JMJD1C: variants seen among roughly 807,000 people sequenced by gnomAD.
JMJD1C encodes jumonji domain containing 1C.
JMJD1C carries 31 observed loss-of-function variants against 245.3 expected under a neutral mutation model. The observed-to-expected ratio is 0.13, with a 90% CI of 0.09 to 0.17. The LOEUF (loss-of-function observed/expected upper bound fraction) is 0.17. JMJD1C is among the 10% of genes least tolerant of loss of function. JMJD1C has a pLI of 1.00. For missense variants in JMJD1C, 2,691 were observed against 3,000.2 expected, an observed-to-expected ratio of 0.90 and a Z score of 2.41; for synonymous variants, 1,057 against 1,017.4, an observed-to-expected ratio of 1.04 and a Z score of -0.74.
intron 3 of JMJD1C, among the ~76,000 whole-genome samples, chr10:63,244,817 A>AGGG (rs370952932): frequency 5.7e-5 from 3 of 52,868 alleles, no homozygotes; most frequent in East Asian, 4.4e-4. Flanking sequence ...TTAAAAAAAA[A>AGGG]GGGGGGGGGA....
chr10:63,354,446 C>T (rs1269023176), intron 2 of JMJD1C, among the ~76,000 whole-genome samples: 1 of 151,884 alleles, frequency 6.6e-6, no homozygotes, highest in East Asian at 1.9e-4. Flanking sequence ...TTAATCATTT[C>T]TTCATTTTAA....
chr10:63,352,300 T>C (rs1272574400), intron 2 of JMJD1C, among the ~76,000 whole-genome samples: 1 of 152,058 alleles, frequency 6.6e-6, no homozygotes, highest in African/African-American at 2.4e-5. Context: ...CAAAAAGCAA[T>C]GAATTGATAA....
chr10:63,275,476 G>A (rs868308233), intron 2 of JMJD1C, among the ~76,000 whole-genome samples: 3 of 152,088 alleles, frequency 2.0e-5, no homozygotes, highest in African/African-American at 7.2e-5. Context: ...GCAGGATTAG[G>A]AGGAAAAATC....
chr10:63,446,250 G>C (rs755590790), intron 1 of JMJD1C, among the ~76,000 whole-genome samples: 21 of 152,120 alleles, frequency 1.4e-4, no homozygotes, highest in Non-Finnish European at 2.4e-4. Context: ...GTGAGAGAAA[G>C]GAGTCCAGGA....
At chr10:63,298,756 G>A (rs967355048) in intron 2 of JMJD1C, among the ~76,000 whole-genome samples, 3 of 151,816 alleles carry the variant, frequency 2.0e-5, no homozygotes, top group South Asian at 4.2e-4. Context: ...TTTTTAGACG[G>A]AGTTTTGCTC....
At chr10:63,471,961 G>C (rs1219982924) in intron 1 of JMJD1C, among the ~76,000 whole-genome samples, 1 of 152,058 alleles carries the variant, frequency 6.6e-6, no homozygotes, top group Non-Finnish European at 1.5e-5. Flanking sequence ...TCACTTGAAC[G>C]CGGGAAGCAA....
intron 3 of JMJD1C, among the ~76,000 whole-genome samples, chr10:63,232,176 C>T (rs919414080): frequency 2.6e-5 from 4 of 151,960 alleles, no homozygotes; most frequent in Non-Finnish European, 4.4e-5. Flanking sequence ...ACTGCTTCTT[C>T]TAAAGTTTTT....
chr10:63,381,993 C>G (rs1030077133), intron 1 of JMJD1C, among the ~76,000 whole-genome samples: 1 of 152,138 alleles, frequency 6.6e-6, no homozygotes, highest in East Asian at 1.9e-4. Flanking sequence ...GGGTGGATCA[C>G]CTGAGGTCAG....
intron 2 of JMJD1C, among the ~76,000 whole-genome samples, chr10:63,327,523 A>G (rs1941657770): frequency 6.6e-6 from 1 of 152,228 alleles, no homozygotes; most frequent in Admixed American, 6.5e-5. Context: ...CTAAGGAAGA[A>G]GCTCACAAAA....
rs909561888 is a variant in JMJD1C, at chr10:63,208,218, T to C, written c.3451A>G (p.Lys1151Glu). The C allele has an allele frequency of 3.1e-6, 5 of 1,613,920 alleles. No homozygotes were observed. The African/African-American group carries it at 4.0e-5, about 13-fold the overall frequency. ...AAACCTTCACTTTCTGGTTGGTGTTTAATCAAAGGTGGAGGCTTTGAAAGA... is the reference window on the plus strand; with the variant it reads ...AAACCTTCACTTTCTGGTTGGTGTTCAATCAAAGGTGGAGGCTTTGAAAGA... ...TSLSKPPPLIKHQPESEGLVG... is the reference protein window; with the variant it reads ...TSLSKPPPLIEHQPESEGLVG... Residue 1151 changes from lysine (K) to glutamate (E), a missense_variant, in exon 10 of 26, where the codon AAA (lysine) becomes GAA (glutamate). Physicochemically the swap from Lys to Glu is moderately conservative, Grantham distance 56. Transcript: ENST00000399262.
intron 2 of JMJD1C, among the ~76,000 whole-genome samples, chr10:63,319,551 A>C (rs1159420456): frequency 6.6e-6 from 1 of 151,666 alleles, no homozygotes; most frequent in Admixed American, 6.6e-5. Flanking sequence ...TTATCCCTTT[A>C]AGTATTTATT....
chr10:63,401,488 C>T (rs1419057401), intron 1 of JMJD1C, among the ~76,000 whole-genome samples: 1 of 152,096 alleles, frequency 6.6e-6, no homozygotes, highest in East Asian at 1.9e-4. Context: ...TTCATGCAAT[C>T]CCCCCACCTA....
chr10:63,469,390 A>C (rs1273461630), upstream of JMJD1C, among the ~76,000 whole-genome samples: 1 of 152,246 alleles, frequency 6.6e-6, no homozygotes, highest in Non-Finnish European at 1.5e-5. Flanking sequence ...ACTGGTTTTC[A>C]AAACCAGATC....
chr10:63,307,805 C>G (rs1046540209), intron 2 of JMJD1C, among the ~76,000 whole-genome samples: 1 of 152,052 alleles, frequency 6.6e-6, no homozygotes, highest in Admixed American at 6.6e-5. Context: ...GGTCTCAATA[C>G]AGAGAAAACC....
At chr10:63,385,438 T>TGC in intron 1 of JMJD1C, among the ~76,000 whole-genome samples, 2 of 130,804 alleles carry the variant, frequency 1.5e-5, no homozygotes, top group African/African-American at 5.9e-5. Context: ...TTTTTTTTTT[T>TGC]TTTTTGCTTT....
intron 3 of JMJD1C, among the ~76,000 whole-genome samples, chr10:63,237,045 GT>G (rs1378133934): frequency 2.6e-5 from 4 of 152,008 alleles, no homozygotes; most frequent in Non-Finnish European, 5.9e-5. Context: ...GTTTTGTTTT[GT>G]TTTGTTTTTT....
chr10:63,249,924 C>G (rs2133612387), intron 3 of JMJD1C, among the ~76,000 whole-genome samples: 1 of 151,752 alleles, frequency 6.6e-6, no homozygotes, highest in African/African-American at 2.4e-5. Context: ...ATCCCAATTA[C>G]AATGATTTGA....
rs764629179 is a variant in JMJD1C at position 63,192,925 on chromosome 10, C to T, written c.6076+13G>A. The T allele has an allele frequency of 6.3e-6, 10 of 1,592,038 alleles. No individual in the cohort carries two copies. Among genetic ancestry groups the T allele is most frequent in the Admixed American group, 3.3e-5 (2 of 59,962 alleles). Reference sequence around the variant, plus strand: ...CTCCTCTCACACATGCCTAGATAATCAATTATGTTTACCTTTTTTTTCCTC... The same window carrying T: ...CTCCTCTCACACATGCCTAGATAATTAATTATGTTTACCTTTTTTTTCCTC... On this transcript the variant is annotated intron_variant, in intron 16 of 25. Coordinates refer to ENST00000399262, the MANE Select transcript of JMJD1C (RefSeq NM_032776.3).
Position 63,168,485 on chromosome 10 carries a change from G to T in JMJD1C, c.7483C>A (p.Gln2495Lys). 6.2e-7 allele frequency: 1 copy of T among 1,610,652 alleles called. No individual in the cohort carries two copies. ...EHLVESFHLT[Q>K]ELRLLKEEIN... ...TCTTCCTTCAAAAGTCTCAGTTCCT[G>T]TGTTAAATGAAATGACTCTACAAGA... Residue 2495 changes from glutamine (Q) to lysine (K), a missense_variant, in exon 25 of 26, where the codon CAG becomes AAG. By Grantham distance (53) the Gln-to-Lys change is moderately conservative. Transcript: ENST00000399262.
Sources: gnomAD v4.1 joint callset for allele counts (sites outside exome capture counted in the v4.1 genomes callset) on GRCh38, gnomAD v4.1.1 for gene constraint, MANE v1.5 for transcripts, NCBI Gene and HGNC (gene_info 2026-07-23, HGNC 2026-07-21) for gene names.